CRTC1: variants seen among roughly 807,000 people sequenced by gnomAD.
CRTC1 encodes CREB regulated transcription coactivator 1.
Under a neutral mutation model 66.1 loss-of-function variants are expected in CRTC1, and 18 were observed. The ratio of observed to expected loss-of-function variants is 0.27; its 90% CI spans 0.19 to 0.40. The LOEUF (loss-of-function observed/expected upper bound fraction) is 0.40, where lower values mean the gene tolerates loss of function less well. CRTC1 is among the 10% of genes least tolerant of loss of function. The pLI, the probability that CRTC1 is intolerant of heterozygous loss-of-function variation, is 1.00. For synonymous variants in CRTC1, 416 were observed against 398.8 expected (o/e 1.04, Z -0.51); for missense variants, 669 against 887.9 (o/e 0.75, Z 3.13).
At chr19:18,745,994 C>T in intron 3 of CRTC1, 34 bp downstream of exon 3, 1 of 1,579,576 alleles carries the variant, frequency 6.3e-7, no homozygotes, top group Non-Finnish European at 8.6e-7. Context: ...GGGTGGGGGC[C>T]AGGCCCTGTC....
rs138448252 is a variant in CRTC1, at chr19:18,713,170, A to G, written c.126+29342A>G. ...CTTCAGGCTTCTTCCACGTCGTAGCATGGATGAGTGCCTCATTCCTTTCCA... is the reference window on the plus strand; with the variant it reads ...CTTCAGGCTTCTTCCACGTCGTAGCGTGGATGAGTGCCTCATTCCTTTCCA... On this transcript the variant is annotated intron_variant, in intron 1 of 13. Coordinates refer to ENST00000321949, the MANE Select transcript of CRTC1 (RefSeq NM_015321.3). Among the ~76,000 whole-genome samples, 350 of 152,356 alleles carry G rather than the reference A, an allele frequency of 2.3e-3. 1 individual carries two copies. Among genetic ancestry groups the G allele is most frequent in the African/African-American group, 8.1e-3 (336 of 41,584 alleles).
chr19:18,716,799 C>T (rs573258379), intron 1 of CRTC1, among the ~76,000 whole-genome samples: 8 of 152,182 alleles, frequency 5.3e-5, no homozygotes, highest in South Asian at 2.1e-4. Flanking sequence ...TTTGTCCAGG[C>T]AAGAGAAGAT....
chr19:18,759,944 C>T, intron 7 of CRTC1, 64 bp from the exon 8 acceptor site: 1 of 1,313,746 alleles, frequency 7.6e-7, no homozygotes, highest in Non-Finnish European at 1.1e-6. Flanking sequence ...CCGCCAGCCC[C>T]CTGTCCCCGC....
chr19:18,721,817 A>T (rs1044532882), intron 1 of CRTC1, among the ~76,000 whole-genome samples: 1 of 152,142 alleles, frequency 6.6e-6, no homozygotes, highest in Non-Finnish European at 1.5e-5. Context: ...ACTCTCTCCA[A>T]ATACAGTCAC....
Position 18,742,996 on chromosome 19 carries a change from C to T in CRTC1, c.213C>T (p.Ile71=), listed in dbSNP as rs779827394. Residue 71 remains isoleucine, a synonymous_variant, in exon 2 of 14, where the codon ATC becomes ATT. Transcript: ENST00000321949. ...YGGSLPNVNQ[I]GSGTMDLPFQ... ...GGTCCCTGCCCAACGTGAACCAGAT[C>T]GGGAGTGGCACCATGGACCTGCCCT... 25 of 1,613,060 alleles carry T rather than the reference C, an allele frequency of 1.5e-5. No homozygotes were observed. The Middle Eastern group carries it at 6.6e-4, about 43-fold the overall frequency.
chr19:18,779,630 G>A lies in CRTC1; in HGVS notation c.*2248G>A, dbSNP rs763153137. On this transcript the variant is annotated 3_prime_UTR_variant, in exon 14 of 14. Transcript: ENST00000321949. ...TGCTAGGAAACCTCATACCCCATCC[G>A]TCCAACCTCCGGCGGGCGCCACTGC... 2.2e-5 allele frequency: 5 copies of A among 222,776 alleles called. No homozygotes were observed. The highest frequency in any genetic ancestry group is 3.6e-5 in the Non-Finnish European group (4 of 111,602). 13.8% of individuals were successfully genotyped at this position (222,776 alleles called of 1,614,324 possible). A position where few individuals can be genotyped will look rare whatever the true frequency, so the allele number is the denominator to read the frequency against.
At chr19:18,693,074 CAAAAAAA>C (rs71168762) in intron 1 of CRTC1, among the ~76,000 whole-genome samples, 4 of 69,374 alleles carry the variant, frequency 5.8e-5, no homozygotes, top group Admixed American at 1.9e-4. Context: ...GACTCCGTCT[CAAAAAAA>C]AAAAAAAAAA....
chr19:18,760,655 C>A lies in CRTC1; in HGVS notation c.886+427C>A, dbSNP rs1037422290. Among the ~76,000 whole-genome samples, 9 of 151,998 alleles carry A rather than the reference C, an allele frequency of 5.9e-5. No homozygotes were observed. Among genetic ancestry groups the A allele is most frequent in the Admixed American group, 3.9e-4 (6 of 15,268 alleles). ...CCTACTTGTCACATCCCAGCACCAC[C>A]ACCCCCACCCGTCTCCAGCTCCACA... On this transcript the variant is annotated intron_variant, in intron 8 of 13. Transcript: ENST00000321949. This position sits in a 1 kb window ranked among gnomAD's most constrained non-coding sequence, Gnocchi z 6.2.
chr19:18,744,965 C>T (rs1407393657), intron 2 of CRTC1, among the ~76,000 whole-genome samples: 1 of 152,206 alleles, frequency 6.6e-6, no homozygotes, highest in Admixed American at 6.5e-5. Context: ...CCAGAGAAGG[C>T]ATAAGGGCTC....
chr19:18,721,332 T>G (rs1334269736), intron 1 of CRTC1, among the ~76,000 whole-genome samples: 1 of 151,908 alleles, frequency 6.6e-6, no homozygotes, highest in African/African-American at 2.4e-5. Flanking sequence ...TAGCTGGGAC[T>G]TCAGGCGCCC....
In CRTC1 at chr19:18,780,754, C is replaced by A; in HGVS notation, c.*3372C>A. On this transcript the variant is annotated 3_prime_UTR_variant, in exon 14 of 14. Transcript: ENST00000321949. ...GTGTTGCCCAGGCTGGTCTCGGACT[C>A]CTGGGCTCAAGCAGTCCTCCCTCCT... 4.6e-6 allele frequency: 1 copy of A among 218,030 alleles called. No individual in the cohort carries two copies. The highest frequency in any genetic ancestry group is 1.8e-4 in the South Asian group (1 of 5,676). The allele number at this position is 218,030 out of a possible 1,614,324, so 13.5% of individuals were successfully genotyped here.
At chr19:18,693,912 C>T (rs1456458144) in intron 1 of CRTC1, among the ~76,000 whole-genome samples, 9 of 152,026 alleles carry the variant, frequency 5.9e-5, no homozygotes, top group Middle Eastern at 3.4e-3. Context: ...GGCAGGTGGA[C>T]CACCTGAGGT....
At chr19:18,749,642 G>C in intron 4 of CRTC1, 139 bp from the exon 5 acceptor site, 1 of 688,028 alleles carries the variant, frequency 1.5e-6, no homozygotes, top group Non-Finnish European at 2.6e-6. Flanking sequence ...GGTCCCGAGA[G>C]CTTTGCTCAG....
intron 9 of CRTC1, among the ~76,000 whole-genome samples, chr19:18,767,611 G>C (rs149780459): frequency 6.6e-6 from 1 of 151,980 alleles, no homozygotes; most frequent in Non-Finnish European, 1.5e-5. Context: ...CCCGCCCCTC[G>C]GCCCCCATGT....
chr19:18,751,838 A>G (rs542626733), intron 5 of CRTC1, among the ~76,000 whole-genome samples: 6 of 152,260 alleles, frequency 3.9e-5, no homozygotes, highest in South Asian at 4.1e-4. Flanking sequence ...AGCAGGAAGC[A>G]AGATCAAGTG....
chr19:18,744,319 C>T (rs1255759559), intron 2 of CRTC1, among the ~76,000 whole-genome samples: 1 of 152,182 alleles, frequency 6.6e-6, no homozygotes, highest in Non-Finnish European at 1.5e-5. Flanking sequence ...GGATCCACTC[C>T]GCACCCCCAT....
chr19:18,724,877 C>T (rs1043742030), intron 1 of CRTC1, among the ~76,000 whole-genome samples: 2 of 145,882 alleles, frequency 1.4e-5, no homozygotes, highest in Admixed American at 1.4e-4. Context: ...GAATTCACTC[C>T]CCAGTAGCTG....
chr19:18,769,728 G>A (rs1037386554), intron 10 of CRTC1, among the ~76,000 whole-genome samples: 3 of 152,190 alleles, frequency 2.0e-5, no homozygotes, highest in African/African-American at 4.8e-5. Context: ...GTCACAGGGT[G>A]TCTGGGCCAG....
intron 2 of CRTC1, among the ~76,000 whole-genome samples, chr19:18,745,202 C>T (rs185612469): frequency 1.3e-5 from 2 of 152,272 alleles, no homozygotes; most frequent in East Asian, 1.9e-4. Flanking sequence ...GCCATGGCTC[C>T]GGAAGGCGCC....
Sources: gnomAD v4.1 joint callset for allele counts (sites outside exome capture counted in the v4.1 genomes callset) on GRCh38, gnomAD v4.1.1 for gene constraint, Gnocchi (gnomAD v3.1) non-coding constraint, MANE v1.5 for transcripts, NCBI Gene and HGNC (gene_info 2026-07-23, HGNC 2026-07-21) for gene names.